FMN1: variants seen among roughly 807,000 people sequenced by gnomAD.
FMN1 encodes formin 1.
FMN1 carries 110 observed loss-of-function variants against 132.4 expected under a neutral mutation model. That is an observed-to-expected ratio of 0.83 (90% confidence interval 0.71 to 0.97). FMN1 has a LOEUF of 0.97. FMN1 is among the 50% of genes least tolerant of loss of function. FMN1 has a pLI of 0.00. For missense variants in FMN1, 1,792 were observed against 1,705.3 expected (o/e 1.05, Z -0.90); for synonymous variants, 722 against 651.7 (o/e 1.11, Z -1.64).
At chr15:33,183,140 G>T (rs979949510) in intron 2 of FMN1, among the ~76,000 whole-genome samples, 4 of 152,104 alleles carry the variant, frequency 2.6e-5, no homozygotes, top group African/African-American at 9.7e-5. Flanking sequence ...AAATGACCAA[G>T]GCCTGCTGTC....
At chr15:33,013,914 A>T (rs2034885087) in intron 6 of FMN1, among the ~76,000 whole-genome samples, 1 of 152,234 alleles carries the variant, frequency 6.6e-6, no homozygotes, top group Admixed American at 6.5e-5. Context: ...ATTTTGTGTA[A>T]ATTGTACCTA....
intron 20 of FMN1, among the ~76,000 whole-genome samples, chr15:32,774,925 G>A (rs1173111073): frequency 2.6e-5 from 4 of 152,096 alleles, no homozygotes; most frequent in Non-Finnish European, 5.9e-5. Flanking sequence ...GGAAGGACAT[G>A]GACATCTGCT....
intron 6 of FMN1, among the ~76,000 whole-genome samples, 152 bp from the exon 7 acceptor site, chr15:33,008,227 A>G (rs1422954871): frequency 6.6e-6 from 1 of 152,232 alleles, no homozygotes; most frequent in Non-Finnish European, 1.5e-5. Context: ...GAAAGATAGG[A>G]CAAGTAGTTC....
intron 3 of FMN1, among the ~76,000 whole-genome samples, chr15:33,160,753 G>C (rs953161536): frequency 6.6e-6 from 1 of 152,148 alleles, no homozygotes; most frequent in Non-Finnish European, 1.5e-5. Flanking sequence ...CTCTGGTTAT[G>C]TTCAAGGTAA....
chr15:33,098,114 A>C (rs902201324), intron 4 of FMN1, among the ~76,000 whole-genome samples: 1 of 152,218 alleles, frequency 6.6e-6, no homozygotes, highest in Admixed American at 6.5e-5. Context: ...GAAAATCCCA[A>C]AAACTTGGAA....
intron 8 of FMN1, among the ~76,000 whole-genome samples, chr15:32,967,434 A>C (rs1043870527): frequency 1.3e-5 from 2 of 152,204 alleles, no homozygotes; most frequent in African/African-American, 4.8e-5. Context: ...CTGTGCACTA[A>C]TTTGAGAACA....
At chr15:33,069,656 T>C (rs578144998) in intron 5 of FMN1, among the ~76,000 whole-genome samples, 4 of 152,226 alleles carry the variant, frequency 2.6e-5, no homozygotes, top group Admixed American at 6.5e-5. Flanking sequence ...TTTCTAGCAA[T>C]GTATTCAAAA....
chr15:32,996,637 A>T (rs190086448), intron 7 of FMN1, among the ~76,000 whole-genome samples: 18 of 152,320 alleles, frequency 1.2e-4, no homozygotes, highest in Admixed American at 9.2e-4. Context: ...TCAATTAAGT[A>T]CCAAATATTA....
chr15:32,950,012 T>TATACACATACATATATACAC (rs1166860187), intron 9 of FMN1, among the ~76,000 whole-genome samples: 1 of 8,816 alleles, frequency 1.1e-4, no homozygotes, highest in African/African-American at 4.0e-4. Flanking sequence ...CACATATATA[T>TATACACATACATATATACAC]ATACACATAT....
At chr15:32,922,807 T>A (rs1016270005) in intron 10 of FMN1, among the ~76,000 whole-genome samples, 2 of 152,206 alleles carry the variant, frequency 1.3e-5, no homozygotes, top group Non-Finnish European at 2.9e-5. Context: ...TTTCCAAGAA[T>A]CACGTACTGT....
At chr15:32,890,413 A>G (rs2059999277) in intron 15 of FMN1, among the ~76,000 whole-genome samples, 1 of 152,180 alleles carries the variant, frequency 6.6e-6, no homozygotes, top group Non-Finnish European at 1.5e-5. Flanking sequence ...TTCCCTGATC[A>G]TGGCATCCAT....
intron 9 of FMN1, among the ~76,000 whole-genome samples, chr15:32,927,131 A>G (rs1232664037): frequency 1.3e-5 from 2 of 152,216 alleles, no homozygotes; most frequent in African/African-American, 4.8e-5. Context: ...TGACTATATG[A>G]AAAGCACTTA....
intron 16 of FMN1, among the ~76,000 whole-genome samples, chr15:32,882,835 T>C (rs1257047800): frequency 3.9e-5 from 6 of 152,214 alleles, no homozygotes; most frequent in African/African-American, 1.4e-4. Flanking sequence ...CTTCCTAAGA[T>C]AATATCAACA....
chr15:32,868,873 T>A (rs930181174), intron 16 of FMN1, among the ~76,000 whole-genome samples: 11 of 152,114 alleles, frequency 7.2e-5, no homozygotes, highest in African/African-American at 2.7e-4. Flanking sequence ...TGGTCATTTC[T>A]CCTCTAAAAA....
At chr15:33,022,836 C>A (rs1322361378) in intron 6 of FMN1, among the ~76,000 whole-genome samples, 1 of 152,098 alleles carries the variant, frequency 6.6e-6, no homozygotes, top group Admixed American at 6.5e-5. Context: ...TGAGACACAG[C>A]TGTAGTTCCC....
At chr15:33,108,285 G>A (rs2140111004) in intron 4 of FMN1, among the ~76,000 whole-genome samples, 1 of 152,068 alleles carries the variant, frequency 6.6e-6, no homozygotes, top group South Asian at 2.1e-4. Context: ...ACACTGCTTT[G>A]GTAAAAGTTT....
At chr15:32,777,742 C>CTTATATATTATGTATAATACAT (rs1363268975) in intron 19 of FMN1, among the ~76,000 whole-genome samples, 3 of 138,246 alleles carry the variant, frequency 2.2e-5, no homozygotes, top group African/African-American at 8.2e-5. Context: ...AATACATTTA[C>CTTATATATTATGTATAATACAT]TTATATATTA....
intron 6 of FMN1, among the ~76,000 whole-genome samples, chr15:33,054,861 G>A (rs1229326686): frequency 6.6e-6 from 1 of 152,136 alleles, no homozygotes; most frequent in Non-Finnish European, 1.5e-5. Context: ...ATCTTACATG[G>A]AAATACAAAG....
intron 10 of FMN1, among the ~76,000 whole-genome samples, chr15:32,922,178 T>C (rs920074479): frequency 1.3e-5 from 2 of 152,180 alleles, no homozygotes; most frequent in South Asian, 2.1e-4. Context: ...TTATGTGCTG[T>C]TGTAGTCATG....
Sources: gnomAD v4.1 joint callset for allele counts (sites outside exome capture counted in the v4.1 genomes callset) on GRCh38, gnomAD v4.1.1 for gene constraint, MANE v1.5 for transcripts, NCBI Gene and HGNC (gene_info 2026-07-23, HGNC 2026-07-21) for gene names.